Variants in MAP3K19 observed in about 807,000 individuals in gnomAD.
MAP3K19 encodes mitogen-activated protein kinase kinase kinase 19, also known as SPS1/STE20-related protein kinase YSK4.
MAP3K19 carries 91 observed loss-of-function variants against 114.4 expected under a neutral mutation model. That is an observed-to-expected ratio of 0.80 (90% CI 0.67 to 0.95). The LOEUF (loss-of-function observed/expected upper bound fraction) is 0.95. Ranked by LOEUF, MAP3K19 falls within the 40% of genes least tolerant of loss-of-function variation. The pLI, the probability that MAP3K19 is intolerant of heterozygous loss-of-function variation, is 0.00. For missense variants in MAP3K19, 1,471 were observed against 1,573.2 expected (o/e 0.94, Z 1.10); for synonymous variants, 518 against 530.5 (o/e 0.98, Z 0.32).
In MAP3K19 at chr2:134,987,361, C is replaced by G; in HGVS notation, c.1511G>C (p.Ser504Thr). Reference protein sequence around the residue: ...SPKEPVIAKPSLQTRKGTIHN... With the variant: ...SPKEPVIAKPTLQTRKGTIHN... The stretch of plus-strand genomic sequence containing the variant: ...AATGGTTCCCTTTCTTGTTTGGAGG[C>G]TTGGTTTGGCTATCACTGGTTCCTT... Residue 504 changes from serine (S) to threonine (T), a missense_variant, in exon 10 of 13, where the codon AGC (serine) becomes ACC (threonine). Coordinates refer to ENST00000392915, the MANE Select transcript of MAP3K19 (RefSeq NM_025052.5). The G allele has an allele frequency of 6.2e-7, 1 of 1,614,052 alleles. No homozygotes were observed. The highest frequency in any genetic ancestry group is 8.5e-7 in the Non-Finnish European group (1 of 1,180,018).
intron 1 of MAP3K19, among the ~76,000 whole-genome samples, chr2:135,042,723 T>G (rs1484984056): frequency 1.3e-5 from 2 of 151,836 alleles, no homozygotes; most frequent in African/African-American, 2.4e-5. Flanking sequence ...CTTTCAGCAG[T>G]GCGTTTTAGG....
chr2:134,998,574 G>A (rs1286070670), intron 8 of MAP3K19, among the ~76,000 whole-genome samples, 164 bp downstream of exon 8: 1 of 152,088 alleles, frequency 6.6e-6, no homozygotes, highest in Non-Finnish European at 1.5e-5. Context: ...TTTATTGTCT[G>A]TCTCGCACCC....
chr2:134,974,553 T>G (rs1684096113), intron 12 of MAP3K19, among the ~76,000 whole-genome samples: 1 of 152,236 alleles, frequency 6.6e-6, no homozygotes, highest in Non-Finnish European at 1.5e-5. Context: ...TTGCTAGACC[T>G]GGGAAAGTTT....
Position 135,014,372 on chromosome 2 carries a change from A to G in MAP3K19, c.138+7343T>C, listed in dbSNP as rs1429770860. Among the ~76,000 whole-genome samples the G allele has an allele frequency of 2.0e-5, 3 of 151,802 alleles. No homozygotes were observed. In the East Asian group the frequency reaches 5.8e-4, roughly 29 times the overall value. On this transcript the variant is annotated intron_variant, in intron 5 of 12. Transcript: ENST00000392915. ...TGAGACCCTGTCTCCAAAAAAGAAG[A>G]AAAGAAAAAAAAAAGGCATGTTGTC...
In MAP3K19 at chr2:134,985,867, A is replaced by T. The variant is rs754761230; in HGVS notation, c.3005T>A (p.Leu1002His). The T allele has an allele frequency of 1.2e-6, 2 of 1,613,946 alleles. No homozygotes were observed. The highest frequency in any genetic ancestry group is 1.7e-6 in the Non-Finnish European group (2 of 1,179,974). Residue 1002 changes from leucine to histidine, a missense_variant, in exon 10 of 13, where the codon CTT becomes CAT. Physicochemically the swap from Leu to His is moderately conservative, Grantham distance 99. Transcript: ENST00000392915. The stretch of plus-strand genomic sequence containing the variant: ...GGTACTTCCTCTCCATCTGAGGACA[A>T]GATTTAGGTTTTCAGGATCTGTTTC... ...ANETDPENLN[L>H]VLRWRGSTPK...
chr2:134,973,959 G>A (rs1271870985), intron 12 of MAP3K19, among the ~76,000 whole-genome samples: 1 of 152,078 alleles, frequency 6.6e-6, no homozygotes, highest in Non-Finnish European at 1.5e-5. Flanking sequence ...ATTCTTGGCT[G>A]ACAGTTTTGT....
chr2:134,987,708 A>T lies in MAP3K19; in HGVS notation c.1164T>A (p.Cys388Ter). Residue 388 changes from cysteine (C) to a stop codon, truncating the protein, a stop_gained, in exon 10 of 13, where the codon TGT becomes TGA. Coordinates refer to ENST00000392915, the MANE Select transcript of MAP3K19 (RefSeq NM_025052.5). LOFTEE classifies it high-confidence loss of function. ...KNYEQDPEIV[C>*]TIPSKFQETQ... is the part of the protein sequence containing the mutation. ...TTTCTTGGAACTTGCTTGGAATGGT[A>T]CATACTATTTCTGGATCTTGTTCAT... 6.2e-7 allele frequency: 1 copy of T among 1,612,614 alleles called. No homozygotes were observed. Among genetic ancestry groups the T allele is most frequent in the Non-Finnish European group, 8.5e-7 (1 of 1,180,016 alleles).
intron 2 of MAP3K19, among the ~76,000 whole-genome samples, chr2:135,032,234 G>A (rs1316234723): frequency 6.6e-6 from 1 of 151,890 alleles, no homozygotes; most frequent in Admixed American, 6.6e-5. Context: ...GCAGGCGCCT[G>A]TAATCCCAGC....
rs747817957 is a variant in MAP3K19, at chr2:135,024,684, T to C, written c.-37A>G. On this transcript the variant is annotated 5_prime_UTR_variant, in exon 4 of 13. It adds an upstream start codon to the 5' untranslated region. Transcript: ENST00000392915. ...AAAGCTGCTGTTTCTTTGAACTCTCTATTTGTGACACATAATGTATTGCTG... is the reference window on the plus strand; with the variant it reads ...AAAGCTGCTGTTTCTTTGAACTCTCCATTTGTGACACATAATGTATTGCTG... 2.5e-6 allele frequency: 4 copies of C among 1,593,740 alleles called. No individual in the cohort carries two copies. In the East Asian group the frequency reaches 8.9e-5, roughly 36 times the overall value.
Position 134,981,459 on chromosome 2 carries a change from A to T in MAP3K19, c.3282T>A (p.Asp1094Glu), listed in dbSNP as rs906707588. ...QLIAVKQVAL[D>E]TSNKLAAEKE... ...TTTCAGCAGCTAATTTATTAGAGGT[A>T]TCCAAAGCCACCTGTTTTACAGCTA... Residue 1094 changes from aspartate (D) to glutamate (E), a missense_variant, in exon 12 of 13, where the codon GAT (aspartate) becomes GAA (glutamate). Physicochemically the swap from Asp to Glu is conservative, Grantham distance 45 (BLOSUM62 2). Coordinates refer to ENST00000392915, the MANE Select transcript of MAP3K19 (RefSeq NM_025052.5). 6.2e-7 allele frequency: 1 copy of T among 1,614,118 alleles called. No individual in the cohort carries two copies. The highest frequency in any genetic ancestry group is 1.3e-5 in the African/African-American group (1 of 74,950).
chr2:135,017,999 A>G (rs1037072830), intron 5 of MAP3K19, among the ~76,000 whole-genome samples: 1 of 152,234 alleles, frequency 6.6e-6, no homozygotes, highest in Non-Finnish European at 1.5e-5. Context: ...CTTAGAATTG[A>G]TAGTAGTTTA....
At chr2:134,983,449 C>A in intron 11 of MAP3K19, 2 of 584,426 alleles carry the variant, frequency 3.4e-6, no homozygotes, top group Non-Finnish European at 3.1e-6. Context: ...ATCCCTGAAG[C>A]CTCCTGGACC....
At chr2:135,026,872 C>A (rs571470662) in intron 3 of MAP3K19, among the ~76,000 whole-genome samples, 1 of 152,170 alleles carries the variant, frequency 6.6e-6, no homozygotes, top group East Asian at 1.9e-4. Context: ...AACAAAGAGC[C>A]AGATATCATA....
At chr2:135,021,894 T>A in intron 4 of MAP3K19, 64 bp from the exon 5 acceptor site, 1 of 1,010,282 alleles carries the variant, frequency 9.9e-7, no homozygotes, top group Non-Finnish European at 1.5e-6. Flanking sequence ...CAAAAGAAGA[T>A]CTAGCTCTAT....
intron 10 of MAP3K19, among the ~76,000 whole-genome samples, chr2:134,985,273 C>G (rs146536334): frequency 1.3e-5 from 2 of 152,334 alleles, no homozygotes; most frequent in African/African-American, 4.8e-5. Flanking sequence ...GCCAGAAGCA[C>G]AGTAGGCATC....
intron 8 of MAP3K19, among the ~76,000 whole-genome samples, chr2:134,996,497 T>C (rs1384562247): frequency 6.6e-6 from 1 of 152,162 alleles, no homozygotes; most frequent in African/African-American, 2.4e-5. Context: ...ATTAGTGCTA[T>C]GTTGTAGGTA....
rs189760478 is a variant in MAP3K19 at position 135,004,830 on chromosome 2, C to T, written c.235+605G>A. On this transcript the variant is annotated intron_variant, in intron 6 of 12. Coordinates refer to ENST00000392915, the MANE Select transcript of MAP3K19 (RefSeq NM_025052.5). ...TGGGGACTTTCAGGTCTCGTACACT[C>T]CCCCACCTTCCCCTCAGGGACAACG... Among the ~76,000 whole-genome samples, 341 of 152,240 alleles carry T rather than the reference C, an allele frequency of 2.2e-3. 1 individual carries two copies. The highest frequency in any genetic ancestry group is 7.6e-3 in the African/African-American group (315 of 41,540).
intron 9 of MAP3K19, among the ~76,000 whole-genome samples, chr2:134,990,390 C>T (rs1362840276): frequency 6.6e-6 from 1 of 152,000 alleles, no homozygotes; most frequent in Non-Finnish European, 1.5e-5. Context: ...GGATGAAGAC[C>T]TTTATGGTGA....
chr2:135,027,294 GA>G (rs1280115476), intron 3 of MAP3K19, among the ~76,000 whole-genome samples: 3 of 147,906 alleles, frequency 2.0e-5, no homozygotes, highest in African/African-American at 7.5e-5. Flanking sequence ...AGGAAGGAAG[GA>G]AGGAAGGAGA....
Sources: allele counts gnomAD v4.1 joint callset (sites outside exome capture counted in the v4.1 genomes callset), GRCh38; gene constraint gnomAD v4.1.1; transcripts MANE v1.5; gene names NCBI Gene and HGNC (gene_info 2026-07-23, HGNC 2026-07-21).